Variants in GALP observed in about 807,000 individuals in gnomAD.
The protein encoded by GALP is galanin-like peptide.
Under a neutral mutation model 15.2 loss-of-function variants are expected in GALP, and 12 were observed. The ratio of observed to expected loss-of-function variants is 0.79; its 90% CI spans 0.51 to 1.28. The LOEUF (loss-of-function observed/expected upper bound fraction) is 1.28. Among genes scored for constraint, GALP ranks in the 50% most tolerant of loss-of-function variants. The pLI, the probability that GALP is intolerant of heterozygous loss-of-function variation, is 0.00. For missense variants in GALP, 161 were observed against 145.6 expected (o/e 1.11, Z -0.55); for synonymous variants, 58 against 55.1 (o/e 1.05, Z -0.23).
intron 2 of GALP, among the ~76,000 whole-genome samples, chr19:56,180,348 C>G (rs1055679467): frequency 6.6e-6 from 1 of 152,206 alleles, no homozygotes; most frequent in South Asian, 2.1e-4. Context: ...CTCCTTCCCC[C>G]CAGCCCCCAA....
chr19:56,180,889 CTCTT>C (rs1215077294), intron 3 of GALP, among the ~76,000 whole-genome samples: 10,387 of 98,908 alleles, frequency 0.11, 1,392 homozygotes, highest in Middle Eastern at 0.13. Context: ...CGCTCTCTCA[CTCTT>C]TCTTTCTTTC....
chr19:56,179,532 A>T (rs1228521792), intron 2 of GALP, among the ~76,000 whole-genome samples: 1 of 150,854 alleles, frequency 6.6e-6, no homozygotes, highest in Non-Finnish European at 1.5e-5. Context: ...GTTAGCCAGG[A>T]TGGTCTCGAT....
At chr19:56,181,204 C>T (rs2032561415) in intron 3 of GALP, among the ~76,000 whole-genome samples, 1 of 151,570 alleles carries the variant, frequency 6.6e-6, no homozygotes, top group Non-Finnish European at 1.5e-5. Context: ...GCTGGGATTA[C>T]AGGCATGAGC....
intron 2 of GALP, among the ~76,000 whole-genome samples, chr19:56,180,297 C>T (rs1246686037): frequency 6.6e-6 from 1 of 152,238 alleles, no homozygotes; most frequent in Non-Finnish European, 1.5e-5. Flanking sequence ...CTTCATCCTG[C>T]ATAACTGAAA....
intron 5 of GALP, 45 bp downstream of exon 5, chr19:56,183,257 G>GA (rs1327822239): frequency 6.8e-7 from 1 of 1,463,986 alleles, no homozygotes; most frequent in Non-Finnish European, 9.6e-7. Context: ...AGGAGAGGGG[G>GA]AACAAGGAAG....
chr19:56,180,910 TC>T (rs1230220329), intron 3 of GALP, among the ~76,000 whole-genome samples: 3,228 of 88,498 alleles, frequency 0.036, 175 homozygotes, highest in East Asian at 0.3. Context: ...TTTCTTTCTT[TC>T]TTTCTTTTTT....
intron 3 of GALP, among the ~76,000 whole-genome samples, chr19:56,181,160 T>G (rs2032560994): frequency 6.6e-6 from 1 of 151,764 alleles, no homozygotes; most frequent in Non-Finnish European, 1.5e-5. Context: ...ACTCCTGACC[T>G]CAGGTGATCC....
rs970576532 is a variant in GALP, at chr19:56,178,991, A to G, written c.88-1595A>G. Among the ~76,000 whole-genome samples, 4 of 152,158 alleles carry G rather than the reference A, an allele frequency of 2.6e-5. No individual in the cohort carries two copies. The East Asian group carries it at 5.8e-4, about 22-fold the overall frequency. On this transcript the variant is annotated intron_variant, in intron 2 of 5. Transcript: ENST00000357330. ...GGAGTTTGAGACCAGCTTGGCCAAC[A>G]TGGCGAAACCCCCTGTCTCTATTAA... is the stretch of plus-strand genomic sequence containing the variant.
At chr19:56,181,596 C>T (rs1052046767) in intron 3 of GALP, among the ~76,000 whole-genome samples, 9 of 151,668 alleles carry the variant, frequency 5.9e-5, no homozygotes, top group South Asian at 2.1e-4. Flanking sequence ...TTAGTGGAGA[C>T]GGGGTTTCTC....
intron 5 of GALP, among the ~76,000 whole-genome samples, chr19:56,184,484 C>CTTTTTT (rs11414322): frequency 2.2e-4 from 26 of 117,642 alleles, no homozygotes; most frequent in East Asian, 4.9e-4. Flanking sequence ...TTTTCTTTTT[C>CTTTTTT]TTTTTTTTTT....
At chr19:56,183,108 G>C in intron 4 of GALP, 27 bp from the exon 5 acceptor site, 1 of 1,507,748 alleles carries the variant, frequency 6.6e-7, no homozygotes, top group African/African-American at 1.4e-5. Flanking sequence ...ACGAACGTGT[G>C]TGTGAATGTT....
chr19:56,185,387 T>A lies in GALP; in HGVS notation c.*117T>A. 1.7e-6 allele frequency: 1 copy of A among 587,566 alleles called. No individual in the cohort carries two copies. Among genetic ancestry groups the A allele is most frequent in the Non-Finnish European group, 3.0e-6 (1 of 336,754 alleles). 36.4% of individuals were successfully genotyped at this position (587,566 alleles called of 1,614,324 possible). On this transcript the variant is annotated 3_prime_UTR_variant, in exon 6 of 6. Transcript: ENST00000357330. ...CCTGAAGTTAAATACCCAGGTCTCA[T>A]GAAGACATTGTAAAGCATTTGAATT...
Position 56,183,223 on chromosome 19 carries a change from GA to G in GALP, c.295+14del. 6.2e-7 allele frequency: 1 copy of G among 1,603,620 alleles called. No homozygotes were observed. The highest frequency in any genetic ancestry group is 1.3e-5 in the African/African-American group (1 of 74,824). ...AACCAGAGATTGGAGGTAAAGCCAG[GA>G]AACACAGAAGAGAGACACCGACAGG... On this transcript the variant is annotated intron_variant, in intron 5 of 5. Coordinates refer to ENST00000357330, the MANE Select transcript of GALP (RefSeq NM_033106.4).
intron 3 of GALP, among the ~76,000 whole-genome samples, chr19:56,181,430 G>A (rs1006398856): frequency 1.8e-5 from 2 of 112,584 alleles, no homozygotes; most frequent in African/African-American, 7.1e-5. Context: ...TTGAGATGGA[G>A]TTTCGCCTTG....
At chr19:56,183,409 C>T (rs150355226) in intron 5 of GALP, among the ~76,000 whole-genome samples, 197 bp downstream of exon 5, 40 of 152,258 alleles carry the variant, frequency 2.6e-4, no homozygotes, top group Non-Finnish European at 4.9e-4. Context: ...CTGCTCCCTT[C>T]ACCTCGATTC....
chr19:56,181,084 C>A (rs1188659003), intron 3 of GALP, among the ~76,000 whole-genome samples: 1 of 151,630 alleles, frequency 6.6e-6, no homozygotes, highest in Non-Finnish European at 1.5e-5. Context: ...CCCAACAGCA[C>A]GCCCGGCTAA....
intron 4 of GALP, 121 bp from the exon 5 acceptor site, chr19:56,183,014 G>C: frequency 1.4e-6 from 1 of 690,842 alleles, no homozygotes; most frequent in East Asian, 2.9e-5. Context: ...TCCTCCCCCT[G>C]CTCCACCCTC....
At position 56,182,156 on chromosome 19, in the gene GALP, C is replaced by A. The variant is rs201851941; in HGVS notation, c.137-16C>A. 1.9e-6 allele frequency: 3 copies of A among 1,599,724 alleles called. No homozygotes were observed. Among genetic ancestry groups the A allele is most frequent in the Non-Finnish European group, 2.6e-6 (3 of 1,167,086 alleles). ...TTAACCGACCACCTGCTCTTGCTCT[C>A]TCCCTCCCTACCCAGTCCTCCACCT... On this transcript the variant is annotated splice_polypyrimidine_tract_variant and intron_variant, in intron 3 of 5. Transcript: ENST00000357330.
intron 4 of GALP, 74 bp from the exon 5 acceptor site, chr19:56,183,061 T>A: frequency 9.6e-7 from 1 of 1,043,124 alleles, no homozygotes; most frequent in Non-Finnish European, 1.5e-6. Flanking sequence ...CGTCTTTGTG[T>A]CTGTGTGTTC....
Sources: allele counts gnomAD v4.1 joint callset (sites outside exome capture counted in the v4.1 genomes callset), GRCh38; gene constraint gnomAD v4.1.1; transcripts MANE v1.5; gene names NCBI Gene and HGNC (gene_info 2026-07-23, HGNC 2026-07-21).